Variants in XIRP2 observed in about 807,000 individuals in gnomAD.
The protein encoded by XIRP2 is xin actin-binding repeat-containing protein 2.
A neutral mutation model predicts 277.0 loss-of-function variants in XIRP2; 236 were observed. The ratio of observed to expected loss-of-function variants is 0.85; its 90% confidence interval spans 0.77 to 0.95. The LOEUF is 0.95. Ranked by LOEUF, XIRP2 falls within the 40% of genes least tolerant of loss-of-function variation. The pLI is 0.00. For missense variants in XIRP2, 4,640 were observed against 4,157.5 expected (o/e 1.12, Z -3.19); for synonymous variants, 1,490 against 1,416.5 (o/e 1.05, Z -1.17).
chr2:167,242,033 T>A (rs1417128556), intron 8 of XIRP2, 123 bp downstream of exon 8: 22 of 1,254,452 alleles, frequency 1.8e-5, no homozygotes, highest in Non-Finnish European at 2.2e-5. Context: ...AACTGGCATT[T>A]ATTCAGTTCT....
In XIRP2 at chr2:167,247,627, A is replaced by G; in HGVS notation, c.6235A>G (p.Met2079Val). ...AGAACAGCATCTTAGAGATGAATATATGAGCAGACAATTAACTTCAACTGT... is the reference window on the plus strand; with the variant it reads ...AGAACAGCATCTTAGAGATGAATATGTGAGCAGACAATTAACTTCAACTGT... ...TGEQHLRDEY[M>V]SRQLTSTVSV... Residue 2079 changes from methionine (M) to valine (V), a missense_variant, in exon 9 of 11, where the codon ATG (methionine) becomes GTG (valine). Coordinates refer to ENST00000409195, the MANE Select transcript of XIRP2 (RefSeq NM_152381.6). 6.2e-7 allele frequency: 1 copy of G among 1,613,710 alleles called. No individual in the cohort carries two copies. The highest frequency in any genetic ancestry group is 2.2e-5 in the East Asian group (1 of 44,824).
intron 2 of XIRP2, among the ~76,000 whole-genome samples, chr2:167,030,143 G>A (rs1290740322): frequency 6.6e-6 from 1 of 151,838 alleles, no homozygotes; most frequent in Non-Finnish European, 1.5e-5. Flanking sequence ...TATCTATTTT[G>A]TTAATTTTTC....
In XIRP2 at chr2:167,251,161, G is replaced by A. The variant is rs758316402; in HGVS notation, c.9769G>A (p.Asp3257Asn). The change falls in exon 9 of 11, where the codon GAC becomes AAC. Residue 3257 changes from aspartate to asparagine, a missense_variant. Coordinates refer to ENST00000409195, the MANE Select transcript of XIRP2 (RefSeq NM_152381.6). ...TAGTGGTTCCTTCAGAGAATCTGTG[G>A]ACGCTCAAGAGGAAATCAGGAAAGT... ...AASGSFRESV[D>N]AQEEIRKVEK... is the part of the protein sequence containing the mutation. 1 of 1,613,476 alleles carries A rather than the reference G, an allele frequency of 6.2e-7. No homozygotes were observed. The highest frequency in any genetic ancestry group is 1.1e-5 in the South Asian group (1 of 91,076).
intron 3 of XIRP2, among the ~76,000 whole-genome samples, chr2:167,157,185 T>G (rs1190492999): frequency 6.6e-6 from 1 of 152,192 alleles, no homozygotes; most frequent in Non-Finnish European, 1.5e-5. Context: ...AATGAAGTTC[T>G]TGAAAGAAGT....
chr2:166,981,117 T>G (rs1686856527), intron 2 of XIRP2, among the ~76,000 whole-genome samples: 1 of 152,008 alleles, frequency 6.6e-6, no homozygotes, highest in African/African-American at 2.4e-5. Context: ...GTAGAACTAT[T>G]TGCTTTAATT....
At position 167,242,862 on chromosome 2, in the gene XIRP2, CA is replaced by C. The variant is rs774421775; in HGVS notation, c.1472del (p.Lys491SerfsTer8). On this transcript the variant is annotated frameshift_variant, in exon 9 of 11. Transcript: ENST00000409195. LOFTEE classifies it high-confidence loss of function. ...RLPVPKDVYS[K>X]QRNLYELNRL... ...TACCAGTCCCCAAAGATGTATATTC[CA>C]AGCAAAGAAATTTGTATGAATTAAA... 2.5e-5 allele frequency: 40 copies of C among 1,613,994 alleles called. No homozygotes were observed. Among genetic ancestry groups the C allele is most frequent in the Non-Finnish European group, 3.2e-5 (38 of 1,180,006 alleles).
chr2:167,123,746 T>G (rs1405252414), intron 2 of XIRP2, among the ~76,000 whole-genome samples: 1 of 152,166 alleles, frequency 6.6e-6, no homozygotes, highest in African/African-American at 2.4e-5. Flanking sequence ...CAGACTGCTT[T>G]CTTTTTATGA....
In XIRP2 at chr2:167,245,073, A is replaced by C; in HGVS notation, c.3681A>C (p.Lys1227Asn). Residue 1227 changes from lysine (K) to asparagine (N), a missense_variant, in exon 9 of 11, where the codon AAA becomes AAC. Transcript: ENST00000409195. The stretch of plus-strand genomic sequence containing the variant: ...TTTTGAAAAAGATCAAAACCTTAAA[A>C]ACTGAAGATATTCAGAAAGGCAATG... ...EEVLKKIKTL[K>N]TEDIQKGNVL... 1 of 1,610,274 alleles carries C rather than the reference A, an allele frequency of 6.2e-7. No homozygotes were observed. The highest frequency in any genetic ancestry group is 8.5e-7 in the Non-Finnish European group (1 of 1,178,970).
chr2:166,947,590 AC>A (rs1318256985), intron 2 of XIRP2, among the ~76,000 whole-genome samples: 1 of 151,980 alleles, frequency 6.6e-6, no homozygotes, highest in East Asian at 1.9e-4. Context: ...CCCTTGCCAC[AC>A]ACACATTTTA....
chr2:167,190,323 C>G, intron 3 of XIRP2, among the ~76,000 whole-genome samples: 1 of 151,898 alleles, frequency 6.6e-6, no homozygotes, highest in East Asian at 2.0e-4. Context: ...TTCTAATCCT[C>G]TAATCACTTA....
intron 1 of XIRP2, among the ~76,000 whole-genome samples, chr2:166,902,132 T>C (rs1287867696): frequency 6.6e-6 from 1 of 152,142 alleles, no homozygotes; most frequent in African/African-American, 2.4e-5. Context: ...GGGACTGAAC[T>C]TCTGCTGTAA....
In XIRP2 at chr2:167,163,655, A is replaced by G. The variant is rs981995644; in HGVS notation, c.562+27593A>G. ...TCTTGTTTAATGAGCAGAAGTTGTT[A>G]ATTTTTATCAAATCTAATTTATCAT... On this transcript the variant is annotated intron_variant, in intron 3 of 10. Coordinates refer to ENST00000409195, the MANE Select transcript of XIRP2 (RefSeq NM_152381.6). Among the ~76,000 whole-genome samples the G allele has an allele frequency of 1.4e-4, 22 of 152,308 alleles. 1 individual carries two copies. Among genetic ancestry groups the G allele is most frequent in the South Asian group, 1.2e-3 (6 of 4,828 alleles).
chr2:166,907,748 G>T (rs1273150907), intron 2 of XIRP2, among the ~76,000 whole-genome samples: 3 of 147,754 alleles, frequency 2.0e-5, no homozygotes, highest in Non-Finnish European at 4.5e-5. Flanking sequence ...TATCTCCTAA[G>T]GCTATCCCTC....
chr2:167,258,512 A>G lies in XIRP2; in HGVS notation c.*695A>G, dbSNP rs747101913. On this transcript the variant is annotated 3_prime_UTR_variant, in exon 11 of 11. Transcript: ENST00000409195. The stretch of plus-strand genomic sequence containing the variant: ...CACAAAGAGTAACAGGAAAAGTGCT[A>G]TGGATCTTAATGACAACAATAATGT... The G allele has an allele frequency of 2.5e-6, 4 of 1,613,174 alleles. No individual in the cohort carries two copies. The South Asian group carries it at 3.3e-5, about 13-fold the overall frequency.
chr2:167,102,018 A>G (rs531142524), intron 2 of XIRP2, among the ~76,000 whole-genome samples: 1 of 152,324 alleles, frequency 6.6e-6, no homozygotes, highest in East Asian at 1.9e-4. Flanking sequence ...CCTGAAACCT[A>G]AAAATGAGAA....
intron 4 of XIRP2, among the ~76,000 whole-genome samples, chr2:167,217,548 C>T (rs1410683939): frequency 6.6e-6 from 1 of 152,076 alleles, no homozygotes; most frequent in African/African-American, 2.4e-5. Context: ...TCTTACTTCT[C>T]TAAGTCTCAA....
chr2:167,240,037 C>A, intron 6 of XIRP2, 72 bp downstream of exon 6: 3 of 1,318,606 alleles, frequency 2.3e-6, no homozygotes, highest in Non-Finnish European at 2.1e-6. Context: ...TTGTTGTAAG[C>A]ATTTGCATTT....
chr2:167,055,304 A>G (rs1689013654), intron 2 of XIRP2, among the ~76,000 whole-genome samples: 1 of 152,178 alleles, frequency 6.6e-6, no homozygotes, highest in African/African-American at 2.4e-5. Context: ...TCACAAATCA[A>G]GAGTAAATGA....
At chr2:166,915,581 G>A (rs979238067) in intron 2 of XIRP2, among the ~76,000 whole-genome samples, 5 of 152,150 alleles carry the variant, frequency 3.3e-5, no homozygotes, top group Non-Finnish European at 5.9e-5. Flanking sequence ...TAGAGAATGA[G>A]GCCACTAAAA....
Sources: allele counts gnomAD v4.1 joint callset (sites outside exome capture counted in the v4.1 genomes callset), GRCh38; gene constraint gnomAD v4.1.1; transcripts MANE v1.5; gene names NCBI Gene and HGNC (gene_info 2026-07-23, HGNC 2026-07-21).